The following LRP1B variants were observed in gnomAD, a reference collection of about 807,000 sequenced individuals.
LRP1B encodes the protein low-density lipoprotein receptor-related protein 1B.
Under a neutral mutation model 556.6 loss-of-function variants are expected in LRP1B, and 217 were observed. That is an observed-to-expected ratio of 0.39 (90% CI 0.35 to 0.44). LRP1B has a LOEUF of 0.44. Among genes scored for constraint, LRP1B ranks in the 20% least tolerant of loss-of-function variants. The pLI is 1.00. For synonymous variants in LRP1B, 2,047 were observed against 1,865.8 expected (o/e 1.10, Z -2.50); for missense variants, 5,053 against 5,620.8 (o/e 0.90, Z 3.23).
At chr2:141,146,601 AG>A (rs1487150841) in intron 7 of LRP1B, among the ~76,000 whole-genome samples, 1 of 152,208 alleles carries the variant, frequency 6.6e-6, no homozygotes. Flanking sequence ...GCTTTATTAA[AG>A]GGTAAGTGAT....
At chr2:140,298,032 A>G in intron 83 of LRP1B, 63 bp from the exon 84 acceptor site, 7 of 1,460,564 alleles carry the variant, frequency 4.8e-6, no homozygotes, top group Non-Finnish European at 6.5e-6. Flanking sequence ...TTTTCAAGGA[A>G]TTTTCATGGG....
At chr2:142,125,083 A>T (rs1010110346) in intron 1 of LRP1B, among the ~76,000 whole-genome samples, 7 of 151,726 alleles carry the variant, frequency 4.6e-5, no homozygotes, top group African/African-American at 1.7e-4. Flanking sequence ...TTTTAATATC[A>T]CTCAATTTAG....
chr2:140,381,794 G>A (rs945797102), intron 67 of LRP1B, among the ~76,000 whole-genome samples: 11 of 149,826 alleles, frequency 7.3e-5, no homozygotes, highest in Admixed American at 4.7e-4. Flanking sequence ...CCCAAGAGAC[G>A]GAGGTTGCAG....
At chr2:140,941,197 T>C (rs1695391470) in intron 20 of LRP1B, among the ~76,000 whole-genome samples, 1 of 152,176 alleles carries the variant, frequency 6.6e-6, no homozygotes, top group African/African-American at 2.4e-5. Context: ...GTATTAACCA[T>C]ATTGATGATG....
chr2:141,911,598 C>G (rs1699908893), intron 1 of LRP1B, among the ~76,000 whole-genome samples: 1 of 152,140 alleles, frequency 6.6e-6, no homozygotes, highest in South Asian at 2.1e-4. Flanking sequence ...CATCTGCTAC[C>G]ATAGATAATA....
chr2:142,082,723 A>G (rs1705766923), intron 1 of LRP1B, among the ~76,000 whole-genome samples: 1 of 152,238 alleles, frequency 6.6e-6, no homozygotes, highest in South Asian at 2.1e-4. Context: ...AGGTTGTGAA[A>G]AATACAAAAT....
At chr2:140,870,483 T>C (rs1693094278) in intron 25 of LRP1B, among the ~76,000 whole-genome samples, 1 of 152,164 alleles carries the variant, frequency 6.6e-6, no homozygotes, top group Non-Finnish European at 1.5e-5. Context: ...GGCTCCCATG[T>C]ACACTTGCAT....
chr2:140,247,001 T>C, intron 87 of LRP1B, 85 bp downstream of exon 87: 1 of 975,038 alleles, frequency 1.0e-6, no homozygotes, highest in Non-Finnish European at 1.6e-6. Context: ...AAGAAAGTGT[T>C]CTAAGACTCA....
At chr2:141,865,428 T>C (rs956970151) in intron 1 of LRP1B, among the ~76,000 whole-genome samples, 7 of 150,012 alleles carry the variant, frequency 4.7e-5, no homozygotes, top group Non-Finnish European at 8.9e-5. Context: ...CCGTCTCTAC[T>C]AAAAATACAA....
intron 35 of LRP1B, among the ~76,000 whole-genome samples, chr2:140,747,445 G>T (rs1688355665): frequency 6.6e-6 from 1 of 152,082 alleles, no homozygotes; most frequent in African/African-American, 2.4e-5. Context: ...CCCTACAGAG[G>T]GTCACTTAGA....
chr2:141,745,596 C>G (rs892025124), intron 2 of LRP1B, among the ~76,000 whole-genome samples: 4 of 152,004 alleles, frequency 2.6e-5, no homozygotes, highest in African/African-American at 7.2e-5. Context: ...CCTTCTGGCC[C>G]AGGGCAAGTC....
At chr2:141,850,654 G>A (rs1429875880) in intron 1 of LRP1B, among the ~76,000 whole-genome samples, 1 of 149,664 alleles carries the variant, frequency 6.7e-6, no homozygotes, top group African/African-American at 2.5e-5. Context: ...GTGTGTGTGT[G>A]TGAGCATGTA....
chr2:141,571,807 A>T (rs745872732), intron 2 of LRP1B, among the ~76,000 whole-genome samples: 4 of 152,086 alleles, frequency 2.6e-5, no homozygotes, highest in Non-Finnish European at 5.9e-5. Flanking sequence ...CAGCCAAATC[A>T]ACCAAGCAGA....
chr2:140,370,662 A>G, intron 71 of LRP1B, 48 bp downstream of exon 71: 2 of 1,604,766 alleles, frequency 1.2e-6, no homozygotes, highest in Non-Finnish European at 1.7e-6. Flanking sequence ...ACAGAACCTT[A>G]ACTTTCATTC....
chr2:141,378,912 G>A (rs971774036), intron 3 of LRP1B, among the ~76,000 whole-genome samples: 2 of 152,018 alleles, frequency 1.3e-5, no homozygotes, highest in Non-Finnish European at 2.9e-5. Flanking sequence ...CTCATATAAC[G>A]GAAATCCCAG....
At chr2:140,268,133 C>G (rs1016722560) in intron 86 of LRP1B, among the ~76,000 whole-genome samples, 1 of 151,832 alleles carries the variant, frequency 6.6e-6, no homozygotes, top group African/African-American at 2.4e-5. Context: ...TCAGGAGAAG[C>G]CTTACTGGTG....
At chr2:140,938,911 T>C (rs896567624) in intron 20 of LRP1B, among the ~76,000 whole-genome samples, 1 of 152,112 alleles carries the variant, frequency 6.6e-6, no homozygotes, top group Middle Eastern at 3.4e-3. Context: ...GCAAAAGAAA[T>C]AAACAATAAC....
At chr2:141,713,453 A>G (rs1692445488) in intron 2 of LRP1B, among the ~76,000 whole-genome samples, 2 of 152,218 alleles carry the variant, frequency 1.3e-5, no homozygotes, top group African/African-American at 4.8e-5. Flanking sequence ...AGTGCATTTG[A>G]GGAAACGGTG....
At chr2:140,926,698 C>G (rs549629548) in intron 20 of LRP1B, among the ~76,000 whole-genome samples, 10 of 152,140 alleles carry the variant, frequency 6.6e-5, no homozygotes, top group Admixed American at 5.9e-4. Context: ...AGGATTGGGT[C>G]TATATATTCG....
Sources: gnomAD v4.1 joint callset for allele counts (sites outside exome capture counted in the v4.1 genomes callset) on GRCh38, gnomAD v4.1.1 for gene constraint, MANE v1.5 for transcripts, NCBI Gene and HGNC (gene_info 2026-07-23, HGNC 2026-07-21) for gene names.